PTPRD: variants seen among roughly 807,000 people sequenced by gnomAD.
PTPRD encodes receptor-type tyrosine-protein phosphatase delta.
A neutral mutation model predicts 214.5 loss-of-function variants in PTPRD; 34 were observed. The ratio of observed to expected loss-of-function variants is 0.16; its 90% confidence interval spans 0.12 to 0.21. PTPRD has a LOEUF of 0.21. PTPRD is among the 10% of genes least tolerant of loss of function. The pLI, the probability that PTPRD is intolerant of heterozygous loss-of-function variation, is 1.00. For synonymous variants in PTPRD, 1,128 were observed against 845.7 expected (o/e 1.33, Z -5.79); for missense variants, 2,545 against 2,398.7 (o/e 1.06, Z -1.27).
intron 4 of PTPRD, among the ~76,000 whole-genome samples, chr9:9,962,545 T>C (rs1022721086): frequency 1.1e-4 from 16 of 152,232 alleles, no homozygotes; most frequent in African/African-American, 3.1e-4. Context: ...ACAGTCAATA[T>C]TTAGAAAATT....
intron 10 of PTPRD, among the ~76,000 whole-genome samples, chr9:9,157,741 T>C (rs1322651032): frequency 6.6e-6 from 1 of 152,176 alleles, no homozygotes; most frequent in African/African-American, 2.4e-5. Flanking sequence ...AAAGTTCTGG[T>C]GTACACGTCC....
At chr9:8,999,741 G>C (rs994556953) in intron 11 of PTPRD, among the ~76,000 whole-genome samples, 2 of 151,930 alleles carry the variant, frequency 1.3e-5, no homozygotes, top group Non-Finnish European at 2.9e-5. Flanking sequence ...TTTTCCACCA[G>C]AGCCAGGCCT....
intron 9 of PTPRD, among the ~76,000 whole-genome samples, chr9:9,245,783 T>C (rs960440588): frequency 2.0e-5 from 3 of 152,086 alleles, no homozygotes; most frequent in South Asian, 4.1e-4. Context: ...TAAAAATAAA[T>C]ATATACAATG....
intron 11 of PTPRD, among the ~76,000 whole-genome samples, chr9:8,869,752 C>G (rs2098262817): frequency 6.7e-6 from 1 of 150,254 alleles, no homozygotes; most frequent in Non-Finnish European, 1.5e-5. Flanking sequence ...AAAAAAATCA[C>G]AGGTGGCACC....
At chr9:9,418,729 T>A (rs908430457) in intron 8 of PTPRD, among the ~76,000 whole-genome samples, 1 of 151,934 alleles carries the variant, frequency 6.6e-6, no homozygotes, top group Non-Finnish European at 1.5e-5. Context: ...TCTATACAAA[T>A]ATGGATTAGA....
chr9:8,343,474 T>C (rs1854472958), intron 39 of PTPRD, among the ~76,000 whole-genome samples: 1 of 151,988 alleles, frequency 6.6e-6, no homozygotes, highest in African/African-American at 2.4e-5. Context: ...CAAACATTAA[T>C]ATAGAGCAAA....
At position 8,468,070 on chromosome 9, in the gene PTPRD, A is replaced by G. The variant is rs111306569; in HGVS notation, c.3505-2395T>C. ...ATTCATCCATATCATTGTCATTCCC[A>G]CAAGCACTTTCTGCTAGGGTTTCTT... On this transcript the variant is annotated intron_variant, in intron 31 of 45. Transcript: ENST00000381196. Among the ~76,000 whole-genome samples the G allele has an allele frequency of 3.2e-3, 484 of 152,096 alleles. 5 individuals carry two copies. Among genetic ancestry groups the G allele is most frequent in the African/African-American group, 0.011 (457 of 41,526 alleles).
chr9:9,152,959 C>A (rs1364281062), intron 10 of PTPRD, among the ~76,000 whole-genome samples: 1 of 152,190 alleles, frequency 6.6e-6, no homozygotes, highest in African/African-American at 2.4e-5. Flanking sequence ...ACATCCTCCC[C>A]ACTGTGTGTT....
intron 9 of PTPRD, among the ~76,000 whole-genome samples, chr9:9,252,961 T>C (rs560603041): frequency 6.6e-4 from 100 of 152,132 alleles, no homozygotes; most frequent in African/African-American, 2.3e-3. Context: ...AAGAGAAAAG[T>C]ATAAGGACAT....
At chr9:9,209,317 G>A (rs1475326936) in intron 9 of PTPRD, among the ~76,000 whole-genome samples, 1 of 152,114 alleles carries the variant, frequency 6.6e-6, no homozygotes, top group Non-Finnish European at 1.5e-5. Context: ...TAAATAAATT[G>A]CAAAGAATAA....
At chr9:9,303,003 T>C (rs1394267841) in intron 9 of PTPRD, among the ~76,000 whole-genome samples, 1 of 152,004 alleles carries the variant, frequency 6.6e-6, no homozygotes, top group Non-Finnish European at 1.5e-5. Context: ...CATGTCCTAC[T>C]ATACTGCTTG....
chr9:9,562,027 G>A (rs907283127), intron 8 of PTPRD, among the ~76,000 whole-genome samples: 3 of 152,094 alleles, frequency 2.0e-5, no homozygotes, highest in African/African-American at 7.2e-5. Flanking sequence ...ATATCCATAT[G>A]ACTACTTGAT....
At chr9:9,902,475 C>G (rs191664125) in intron 5 of PTPRD, among the ~76,000 whole-genome samples, 87 of 152,202 alleles carry the variant, frequency 5.7e-4, no homozygotes, top group Non-Finnish European at 8.5e-4. Flanking sequence ...AGTCATACAT[C>G]TGAAGTCATG....
At chr9:8,798,173 C>G (rs1335129147) in intron 11 of PTPRD, among the ~76,000 whole-genome samples, 1 of 151,966 alleles carries the variant, frequency 6.6e-6, no homozygotes, top group African/African-American at 2.4e-5. Flanking sequence ...ATCAAATTTT[C>G]TTTTTTCTTC....
At chr9:10,015,731 G>A (rs74857525) in intron 4 of PTPRD, among the ~76,000 whole-genome samples, 4,235 of 152,156 alleles carry the variant, frequency 0.028, 210 homozygotes, top group African/African-American at 0.094. Context: ...GAAAGAGGTG[G>A]GGGAACCACA....
intron 10 of PTPRD, among the ~76,000 whole-genome samples, chr9:9,129,748 G>A (rs2099839713): frequency 6.6e-6 from 1 of 152,050 alleles, no homozygotes. Context: ...GGAATATACT[G>A]TTTGACTACA....
intron 10 of PTPRD, among the ~76,000 whole-genome samples, chr9:9,180,493 T>C (rs1593039468): frequency 6.7e-6 from 1 of 150,274 alleles, no homozygotes; most frequent in African/African-American, 2.4e-5. Context: ...ATATACCTAA[T>C]GCTAAATGAT....
intron 10 of PTPRD, among the ~76,000 whole-genome samples, chr9:9,043,120 T>C (rs2099647505): frequency 6.6e-6 from 1 of 152,168 alleles, no homozygotes; most frequent in Non-Finnish European, 1.5e-5. Flanking sequence ...GCTTAATCAA[T>C]CTAGAGTGAG....
At chr9:9,733,557 T>A (rs1202251480) in intron 7 of PTPRD, among the ~76,000 whole-genome samples, 1 of 152,150 alleles carries the variant, frequency 6.6e-6, no homozygotes, top group African/African-American at 2.4e-5. Flanking sequence ...CATTTGGTTT[T>A]AGGAAGATAA....
Sources: allele counts gnomAD v4.1 joint callset (sites outside exome capture counted in the v4.1 genomes callset), GRCh38; gene constraint gnomAD v4.1.1; transcripts MANE v1.5; gene names NCBI Gene and HGNC (gene_info 2026-07-23, HGNC 2026-07-21).